The following JRK variants were observed in gnomAD, a reference collection of about 807,000 sequenced individuals.
JRK encodes jerky protein homolog.
For missense variants in JRK, 720 were observed against 509.2 expected, an observed-to-expected ratio of 1.41 and a Z score of -3.98; for synonymous variants, 303 against 218.1, an observed-to-expected ratio of 1.39 and a Z score of -3.43.
At chr8:142,653,659 G>A (rs1396561697), downstream of JRK, among the ~76,000 whole-genome samples, 2 of 152,126 alleles carry the variant, frequency 1.3e-5, no homozygotes, top group African/African-American at 4.8e-5. Context: ...TTACAAGTGT[G>A]GGCCACTGTG....
At chr8:142,651,540 CTT>C in the JRK span, among the ~76,000 whole-genome samples, 34 of 103,140 alleles carry the variant, frequency 3.3e-4, no homozygotes, top group African/African-American at 6.5e-4. Context: ...AAAAATCAAT[CTT>C]TTTTTTTTTT....
At chr8:142,656,964 CAGA>C (rs1180226553), downstream of JRK, among the ~76,000 whole-genome samples, 1 of 152,170 alleles carries the variant, frequency 6.6e-6, no homozygotes, top group African/African-American at 2.4e-5. Flanking sequence ...TGCCATGAGG[CAGA>C]AGTTCTCCAA....
At chr8:142,655,234 A>G (rs1179810629), downstream of JRK, among the ~76,000 whole-genome samples, 1 of 152,150 alleles carries the variant, frequency 6.6e-6, no homozygotes, top group Admixed American at 6.5e-5. Flanking sequence ...GCACCATTCA[A>G]TGTCCTCTAG....
downstream of JRK, among the ~76,000 whole-genome samples, chr8:142,653,160 A>C (rs898414522): frequency 1.3e-5 from 2 of 152,134 alleles, no homozygotes; most frequent in Non-Finnish European, 2.9e-5. Context: ...CTTTGGGAGA[A>C]ATTTAGTTTG....
rs1281915020 is a variant in JRK, at chr8:142,662,960, G to C, written c.*1392C>G. On this transcript the variant is annotated 3_prime_UTR_variant, in exon 2 of 2. Coordinates refer to ENST00000612905, the MANE Select transcript of JRK (RefSeq NM_003724.4). ...GGATCGCTTGAGGCCAAGAGTTCAAGACCAGCCTGGGCAACACAGTGAGAC... is the reference window on the plus strand; with the variant it reads ...GGATCGCTTGAGGCCAAGAGTTCAACACCAGCCTGGGCAACACAGTGAGAC... 3 of 732,822 alleles carry C rather than the reference G, an allele frequency of 4.1e-6. No homozygotes were observed. The highest frequency in any genetic ancestry group is 5.0e-6 in the Non-Finnish European group (3 of 599,712). The allele number at this position is 732,822 out of a possible 1,614,324, so 45.4% of individuals were successfully genotyped here. A position where few individuals can be genotyped will look rare whatever the true frequency, so the allele number is the denominator to read the frequency against.
chr8:142,661,879 T>G lies in JRK; in HGVS notation c.*2473A>C. On this transcript the variant is annotated 3_prime_UTR_variant, in exon 2 of 2. Transcript: ENST00000612905. The stretch of plus-strand genomic sequence containing the variant: ...ACAAAGTGCTCGGAGGACACGGCAG[T>G]CTCCATAAAGCGTTCTGGGGGACAG... The G allele has an allele frequency of 1.0e-6, 1 of 985,424 alleles. No individual in the cohort carries two copies. Among genetic ancestry groups the G allele is most frequent in the Non-Finnish European group, 1.2e-6 (1 of 829,978 alleles). The allele number at this position is 985,424 out of a possible 1,614,324, so 61.0% of individuals were successfully genotyped here. A position where few individuals can be genotyped will look rare whatever the true frequency, so the allele number is the denominator to read the frequency against.
At chr8:142,653,176 T>C (rs1846695789), downstream of JRK, among the ~76,000 whole-genome samples, 1 of 152,214 alleles carries the variant, frequency 6.6e-6, no homozygotes, top group Admixed American at 6.5e-5. Context: ...GTTTGTAATT[T>C]AAATGATAAC....
chr8:142,644,958 C>A, the JRK span, among the ~76,000 whole-genome samples: 3 of 152,306 alleles, frequency 2.0e-5, no homozygotes, highest in East Asian at 5.8e-4. Context: ...CATCAGTGTA[C>A]TTTTGACATT....
intron 1 of JRK, among the ~76,000 whole-genome samples, chr8:142,668,438 C>G (rs1011983044): frequency 6.6e-6 from 1 of 152,098 alleles, no homozygotes; most frequent in Admixed American, 6.5e-5. Context: ...GACGTGTGTG[C>G]GGTCTGGCAC....
chr8:142,668,033 G>T (rs1260465378), intron 1 of JRK, among the ~76,000 whole-genome samples: 1 of 152,216 alleles, frequency 6.6e-6, no homozygotes, highest in Middle Eastern at 3.2e-3. Flanking sequence ...CAAACACCGG[G>T]CAGCTCAGCT....
At chr8:142,656,215 A>G (rs1333185737), downstream of JRK, among the ~76,000 whole-genome samples, 2 of 152,206 alleles carry the variant, frequency 1.3e-5, no homozygotes, top group Admixed American at 6.5e-5. Context: ...AATTCTGGAT[A>G]CTAGCCAACC....
chr8:142,655,612 CTG>C (rs1846735217), downstream of JRK, among the ~76,000 whole-genome samples: 1 of 27,322 alleles, frequency 3.7e-5, no homozygotes, highest in Admixed American at 6.8e-4. Context: ...GGACTCCAAA[CTG>C]TGTCCCTGAC....
At chr8:142,655,117 C>T (rs900641471), downstream of JRK, among the ~76,000 whole-genome samples, 38 of 152,184 alleles carry the variant, frequency 2.5e-4, no homozygotes, top group African/African-American at 8.4e-4. Context: ...CTTTGCATGC[C>T]CCCTTGAGAT....
Position 142,663,585 on chromosome 8 carries a change from C to G in JRK, c.*767G>C, listed in dbSNP as rs902483856. ...AAATGCCAAAATACCACACAGGGTC[C>G]GTGTCCTCTATCCGGGTGATGAGCA... On this transcript the variant is annotated 3_prime_UTR_variant, in exon 2 of 2. Coordinates refer to ENST00000612905, the MANE Select transcript of JRK (RefSeq NM_003724.4). 8.1e-6 allele frequency: 8 copies of G among 985,364 alleles called. No individual in the cohort carries two copies. The highest frequency in any genetic ancestry group is 1.7e-5 in the African/African-American group (1 of 57,250). 61.0% of individuals were successfully genotyped at this position (985,364 alleles called of 1,614,324 possible).
intron 1 of JRK, among the ~76,000 whole-genome samples, chr8:142,669,178 G>GTGTT (rs1847233278): frequency 8.3e-6 from 1 of 120,788 alleles, no homozygotes. Context: ...GTGTGTGTGT[G>GTGTT]TGTGTGTGTG....
Position 142,662,203 on chromosome 8 carries a change from A to G in JRK, c.*2149T>C. 1 of 985,560 alleles carries G rather than the reference A, an allele frequency of 1.0e-6. No individual in the cohort carries two copies. 61.1% of individuals were successfully genotyped at this position (985,560 alleles called of 1,614,324 possible). A position where few individuals can be genotyped will look rare whatever the true frequency, so the allele number is the denominator to read the frequency against. On this transcript the variant is annotated 3_prime_UTR_variant, in exon 2 of 2. Coordinates refer to ENST00000612905, the MANE Select transcript of JRK (RefSeq NM_003724.4). The stretch of plus-strand genomic sequence containing the variant: ...GCACAGTCAGCACAAGAGCAGATCA[A>G]GAACGGGAAGAGCTCAGGTCCTGAA...
intron 1 of JRK, among the ~76,000 whole-genome samples, 200 bp downstream of exon 1, chr8:142,669,732 G>A (rs1472475432): frequency 2.0e-5 from 3 of 150,096 alleles, no homozygotes; most frequent in African/African-American, 4.9e-5. Context: ...TTCCGAGCGC[G>A]GCTCCCGGGA....
At chr8:142,669,096 C>T (rs782391170) in intron 1 of JRK, among the ~76,000 whole-genome samples, 3 of 151,558 alleles carry the variant, frequency 2.0e-5, no homozygotes, top group Non-Finnish European at 4.4e-5. Flanking sequence ...CTGACTCCGT[C>T]CTGTGTGAGG....
Position 142,662,469 on chromosome 8 carries a change from T to TA in JRK, c.*1882_*1883insT, listed in dbSNP as rs1218431854. ...GAGCCCAGAAATGGCACAAAGTACA[T>TA]GATGTGCAGAAGTTCCCCAGACAAT... On this transcript the variant is annotated 3_prime_UTR_variant, in exon 2 of 2. Transcript: ENST00000612905. The TA allele has an allele frequency of 1.0e-6, 1 of 985,138 alleles. No individual in the cohort carries two copies. The highest frequency in any genetic ancestry group is 1.2e-6 in the Non-Finnish European group (1 of 829,924). The allele number at this position is 985,138 out of a possible 1,614,324, so 61.0% of individuals were successfully genotyped here. A position where few individuals can be genotyped will look rare whatever the true frequency, so the allele number is the denominator to read the frequency against.
Sources: gnomAD v4.1 joint callset for allele counts (sites outside exome capture counted in the v4.1 genomes callset) on GRCh38, gnomAD v4.1.1 for gene constraint, MANE v1.5 for transcripts, NCBI Gene and HGNC (gene_info 2026-07-23, HGNC 2026-07-21) for gene names.